RASGEF1A: variants seen among roughly 807,000 people sequenced by gnomAD.
RASGEF1A encodes the protein ras-GEF domain-containing family member 1A.
In RASGEF1A, 18 loss-of-function variants were observed where a neutral mutation model predicts 56.4. That is an observed-to-expected ratio of 0.32 (90% CI 0.22 to 0.47). The LOEUF is 0.47. RASGEF1A is among the 20% of genes least tolerant of loss of function. The pLI, the probability that RASGEF1A is intolerant of heterozygous loss-of-function variation, is 1.00. For missense variants in RASGEF1A, 422 were observed against 627.1 expected (o/e 0.67, Z 3.49); for synonymous variants, 245 against 242.6 (o/e 1.01, Z -0.09).
At chr10:43,234,937 T>A (rs1840412484) in intron 1 of RASGEF1A, among the ~76,000 whole-genome samples, 1 of 152,028 alleles carries the variant, frequency 6.6e-6, no homozygotes, top group African/African-American at 2.4e-5. Flanking sequence ...CCCTCCAGGC[T>A]CCTCCAAGGC....
At chr10:43,205,872 C>G in intron 2 of RASGEF1A, 47 bp downstream of exon 2, 3 of 1,482,022 alleles carry the variant, frequency 2.0e-6, no homozygotes, top group Non-Finnish European at 2.8e-6. Context: ...TCTCCTGGAG[C>G]CCAGGTCACC....
intron 1 of RASGEF1A, chr10:43,229,840 C>T (rs899413680): frequency 1.8e-5 from 16 of 899,988 alleles, no homozygotes; most frequent in Middle Eastern, 7.7e-4. Flanking sequence ...GGGGTCCGGG[C>T]GGGGCAGAGG....
chr10:43,257,467 C>A (rs183592673), intron 1 of RASGEF1A, among the ~76,000 whole-genome samples: 3 of 152,322 alleles, frequency 2.0e-5, no homozygotes, highest in African/African-American at 7.2e-5. Flanking sequence ...TGGGACTGGG[C>A]CTGCCTCTGC....
At chr10:43,226,944 T>G (rs552953163) in intron 1 of RASGEF1A, among the ~76,000 whole-genome samples, 1 of 152,334 alleles carries the variant, frequency 6.6e-6, no homozygotes, top group South Asian at 2.1e-4. Context: ...TGGCATGGCA[T>G]GATCTCTTCA....
chr10:43,262,230 C>A (rs1267596749), intron 1 of RASGEF1A, among the ~76,000 whole-genome samples: 3 of 152,194 alleles, frequency 2.0e-5, no homozygotes, highest in Admixed American at 6.5e-5. Flanking sequence ...CCTCTCCCAG[C>A]TCCCGCCAGC....
chr10:43,199,235 G>A (rs765443467), intron 7 of RASGEF1A, 41 bp from the exon 8 acceptor site: 4 of 1,505,330 alleles, frequency 2.7e-6, no homozygotes, highest in East Asian at 2.4e-5. Flanking sequence ...GCTGCCGGGG[G>A]ACAGCAGGAG....
At chr10:43,263,637 C>G (rs1017437388) in intron 1 of RASGEF1A, among the ~76,000 whole-genome samples, 16 of 152,140 alleles carry the variant, frequency 1.1e-4, no homozygotes, top group Non-Finnish European at 2.4e-4. Flanking sequence ...GTCTCGGAGC[C>G]CCTGCTGGCT....
chr10:43,257,438 C>T (rs1836441658), intron 1 of RASGEF1A, among the ~76,000 whole-genome samples: 1 of 152,230 alleles, frequency 6.6e-6, no homozygotes, highest in Non-Finnish European at 1.5e-5. Context: ...GCACAGGTCC[C>T]GCCCAGGAGG....
intron 1 of RASGEF1A, among the ~76,000 whole-genome samples, chr10:43,221,989 G>A (rs950582535): frequency 1.3e-5 from 2 of 152,220 alleles, no homozygotes; most frequent in East Asian, 1.9e-4. Context: ...GATACCTCCT[G>A]AGAAATGCAT....
intron 1 of RASGEF1A, among the ~76,000 whole-genome samples, chr10:43,214,854 A>G (rs1840112753): frequency 6.6e-6 from 1 of 152,252 alleles, no homozygotes; most frequent in Middle Eastern, 3.4e-3. Context: ...ACTCATCTCA[A>G]TGCAATTCTC....
intron 1 of RASGEF1A, among the ~76,000 whole-genome samples, chr10:43,229,212 G>A (rs1418714676): frequency 6.6e-6 from 1 of 152,212 alleles, no homozygotes; most frequent in Non-Finnish European, 1.5e-5. Context: ...TCCCTCCCAT[G>A]TGCCGTGAAT....
At chr10:43,254,933 T>A (rs1879299) in intron 1 of RASGEF1A, among the ~76,000 whole-genome samples, 1 of 151,832 alleles carries the variant, frequency 6.6e-6, no homozygotes, top group African/African-American at 2.4e-5. Context: ...CAGGGCCCAC[T>A]GGAGGCCCCT....
At position 43,196,830 on chromosome 10, in the gene RASGEF1A, G is replaced by T; in HGVS notation, c.1348+146C>A. 1 of 992,740 alleles carries T rather than the reference G, an allele frequency of 1.0e-6. No individual in the cohort carries two copies. The highest frequency in any genetic ancestry group is 2.6e-5 in the East Asian group (1 of 38,722). The allele number at this position is 992,740 out of a possible 1,614,324, so 61.5% of individuals were successfully genotyped here. A position where few individuals can be genotyped will look rare whatever the true frequency, so the allele number is the denominator to read the frequency against. On this transcript the variant is annotated intron_variant, in intron 11 of 12. Coordinates refer to ENST00000395810, the MANE Select transcript of RASGEF1A (RefSeq NM_145313.4). This position sits in a 1 kb window ranked among gnomAD's most constrained non-coding sequence, Gnocchi z 4.6. Reference sequence around the variant, plus strand: ...CATCCATCCCATGACCCACCCTCATGCACACTCGCCCCTGCGAGCAGAGCC... The same window carrying T: ...CATCCATCCCATGACCCACCCTCATTCACACTCGCCCCTGCGAGCAGAGCC...
chr10:43,196,909 G>C lies in RASGEF1A; in HGVS notation c.1348+67C>G, dbSNP rs1050120744. The C allele has an allele frequency of 6.3e-7, 1 of 1,585,300 alleles. No individual in the cohort carries two copies. ...GGCCATCTCCCAGGGCAACCCCAAAGAGCACCGGGCCTGGACAAGGAGTCA... is the reference window on the plus strand; with the variant it reads ...GGCCATCTCCCAGGGCAACCCCAAACAGCACCGGGCCTGGACAAGGAGTCA... On this transcript the variant is annotated intron_variant, in intron 11 of 12. Coordinates refer to ENST00000395810, the MANE Select transcript of RASGEF1A (RefSeq NM_145313.4). The surrounding 1 kb of genome is among the most constrained non-coding windows in gnomAD (Gnocchi z 4.6).
chr10:43,216,017 T>C (rs1385293582), intron 1 of RASGEF1A, among the ~76,000 whole-genome samples: 1 of 152,196 alleles, frequency 6.6e-6, no homozygotes, highest in African/African-American at 2.4e-5. Flanking sequence ...ATTAGATCTC[T>C]GGCAAACCCT....
intron 3 of RASGEF1A, chr10:43,202,725 C>G (rs954168383): frequency 1.1e-5 from 5 of 468,802 alleles, no homozygotes; most frequent in Non-Finnish European, 2.2e-5. Flanking sequence ...CGGATTCCGC[C>G]CACGTTGCCA....
chr10:43,266,909 C>A lies in RASGEF1A; in HGVS notation c.-71G>T, dbSNP rs1836635612. On this transcript the variant is annotated 5_prime_UTR_variant, in exon 1 of 13. Transcript: ENST00000395810. ...CCGCAGTCGGGCCCCGAGCAGCGCG[C>A]GGCCGGCGCCGGCGGCGGCTCATGC... The A allele has an allele frequency of 6.8e-6, 1 of 146,042 alleles. No individual in the cohort carries two copies. Among genetic ancestry groups the A allele is most frequent in the South Asian group, 2.1e-4 (1 of 4,822 alleles). The allele number at this position is 146,042 out of a possible 1,614,324, so 9.0% of individuals were successfully genotyped here.
At chr10:43,251,270 A>C (rs1212734379) in intron 1 of RASGEF1A, among the ~76,000 whole-genome samples, 1 of 152,154 alleles carries the variant, frequency 6.6e-6, no homozygotes, top group Non-Finnish European at 1.5e-5. Flanking sequence ...GGCCCTCATG[A>C]AAAGCACCCT....
chr10:43,243,522 G>T (rs528498823), intron 1 of RASGEF1A, among the ~76,000 whole-genome samples: 1 of 147,986 alleles, frequency 6.8e-6, no homozygotes, highest in Non-Finnish European at 1.5e-5. Context: ...CTGCCCGGCC[G>T]CCCCGCCTGG....
Sources: gnomAD v4.1 joint callset for allele counts (sites outside exome capture counted in the v4.1 genomes callset) on GRCh38, gnomAD v4.1.1 for gene constraint, Gnocchi (gnomAD v3.1) non-coding constraint, MANE v1.5 for transcripts, NCBI Gene and HGNC (gene_info 2026-07-23, HGNC 2026-07-21) for gene names.